Variants in WDR62 observed in about 807,000 individuals in gnomAD.
WDR62 encodes WD repeat domain 62.
Under a neutral mutation model 160.6 loss-of-function variants are expected in WDR62, and 112 were observed. The ratio of observed to expected loss-of-function variants is 0.70; its 90% CI spans 0.60 to 0.82. The LOEUF is 0.82. Ranked by LOEUF, WDR62 falls within the 40% of genes least tolerant of loss-of-function variation. The pLI is 0.00. For synonymous variants in WDR62, 792 were observed against 815.1 expected (o/e 0.97, Z 0.48); for missense variants, 1,819 against 1,983.8 (o/e 0.92, Z 1.58).
intron 7 of WDR62, 109 bp from the exon 8 acceptor site, chr19:36,071,447 G>C: frequency 7.8e-7 from 1 of 1,286,980 alleles, no homozygotes. Context: ...TTAGACCCAA[G>C]GAACTGTAAG....
Position 36,089,025 on chromosome 19 carries a change from C to T in WDR62, c.1769-13C>T. 1.2e-6 allele frequency: 2 copies of T among 1,613,790 alleles called. No homozygotes were observed. Among genetic ancestry groups the T allele is most frequent in the Non-Finnish European group, 1.7e-6 (2 of 1,180,022 alleles). ...CCCAGCCCTGCCTAACACACAGCGT[C>T]CTCCTCCCCTAGGCAACAGAGACAT... On this transcript the variant is annotated splice_polypyrimidine_tract_variant and intron_variant, in intron 13 of 31. Coordinates refer to ENST00000401500, the MANE Select transcript of WDR62 (RefSeq NM_001083961.2).
rs751129637 is a variant in WDR62 at position 36,067,929 on chromosome 19, C to T, written c.801C>T (p.Gly267=). ...GVACGRGRMA[G]STFCVSYSGL... is the part of the protein sequence containing the mutation. ...CCTGCGGTCGGGGCCGGATGGCGGG[C>T]AGTACCTTCTGTGTGTCCTACTCGG... Residue 267 remains glycine, a synonymous_variant, in exon 7 of 32, where the codon GGC becomes GGT. Transcript: ENST00000401500. The T allele has an allele frequency of 6.2e-7, 1 of 1,614,184 alleles. No homozygotes were observed. The highest frequency in any genetic ancestry group is 8.5e-7 in the Non-Finnish European group (1 of 1,180,044).
At chr19:36,086,841 C>T (rs375695880) in intron 13 of WDR62, 29 bp downstream of exon 13, 2 of 1,603,110 alleles carry the variant, frequency 1.2e-6, no homozygotes, top group Non-Finnish European at 1.7e-6. Context: ...GCTCCCTGCG[C>T]CTTGCTAGCT....
At chr19:36,090,016 A>G (rs1972492591) in intron 15 of WDR62, among the ~76,000 whole-genome samples, 1 of 152,224 alleles carries the variant, frequency 6.6e-6, no homozygotes. Context: ...AGACAGTGAC[A>G]GAGTGGTCAG....
chr19:36,092,031 C>T (rs1972645376), intron 18 of WDR62, among the ~76,000 whole-genome samples: 1 of 152,080 alleles, frequency 6.6e-6, no homozygotes, highest in Non-Finnish European at 1.5e-5. Context: ...TGTGATGAGG[C>T]CGGGCGCAGT....
intron 16 of WDR62, among the ~76,000 whole-genome samples, chr19:36,090,913 C>T (rs1972560787): frequency 6.6e-6 from 1 of 152,344 alleles, no homozygotes; most frequent in African/African-American, 2.4e-5. Context: ...GACTGTGTGA[C>T]CTTGGGCAAG....
intron 30 of WDR62, 74 bp from the exon 31 acceptor site, chr19:36,104,444 T>A (rs1261590233): frequency 1.3e-6 from 2 of 1,575,828 alleles, no homozygotes; most frequent in Non-Finnish European, 1.7e-6. Flanking sequence ...CAGCATGGAG[T>A]CCACCCAGTC....
chr19:36,108,382 C>G (rs913679622), downstream of WDR62, among the ~76,000 whole-genome samples: 4 of 151,952 alleles, frequency 2.6e-5, no homozygotes, highest in African/African-American at 9.7e-5. Flanking sequence ...ACCCCCACAT[C>G]TACCCTTGGC....
rs146485488 is a variant in WDR62 at position 36,066,343 on chromosome 19, G to A, written c.477G>A (p.Ala159=). The A allele has an allele frequency of 1.6e-4, 257 of 1,614,122 alleles. 1 individual carries two copies. In the African/African-American group the frequency reaches 2.2e-3, roughly 14 times the overall value. Residue 159 remains alanine (A), a synonymous_variant, in exon 5 of 32, where the codon GCG becomes GCA. Coordinates refer to ENST00000401500, the MANE Select transcript of WDR62 (RefSeq NM_001083961.2). ...AEMLGHKYGV[A]CVAFSPNMKH... ...TGCTAGGCCACAAGTATGGTGTGGCGTGTGTGGCCTTCTCACCCAATATGA... is the reference window on the plus strand; with the variant it reads ...TGCTAGGCCACAAGTATGGTGTGGCATGTGTGGCCTTCTCACCCAATATGA...
At chr19:36,071,443 C>A in intron 7 of WDR62, 113 bp from the exon 8 acceptor site, 1 of 1,250,112 alleles carries the variant, frequency 8.0e-7, no homozygotes, top group Non-Finnish European at 1.2e-6. Context: ...TGTCTTAGAC[C>A]CAAGGAACTG....
rs199599750 is a variant in WDR62 at position 36,067,493 on chromosome 19, C to T, written c.699+50C>T. 245 of 1,612,162 alleles carry T rather than the reference C, an allele frequency of 1.5e-4. 1 individual carries two copies. The highest frequency in any genetic ancestry group is 2.8e-5 in the Non-Finnish European group (33 of 1,179,136). On this transcript the variant is annotated intron_variant, in intron 6 of 31. Transcript: ENST00000401500. ...AGCCAGGCCCTGAGGGAGTCACCAT[C>T]GGTGGCAGCATGGTCTCCTGTTTCT...
chr19:36,063,423 A>AT (rs1312200999), intron 3 of WDR62, among the ~76,000 whole-genome samples: 16 of 135,522 alleles, frequency 1.2e-4, no homozygotes, highest in Admixed American at 6.8e-4. Flanking sequence ...TAATTTTTGT[A>AT]TTTTTTTTTA....
At chr19:36,081,362 C>A in intron 9 of WDR62, 71 bp from the exon 10 acceptor site, 1 of 1,520,776 alleles carries the variant, frequency 6.6e-7, no homozygotes, top group Non-Finnish European at 9.0e-7. Flanking sequence ...TTTTTTTTTC[C>A]ATGAAAATGC....
chr19:36,081,747 C>T (rs1971913906), intron 10 of WDR62, 177 bp downstream of exon 10: 2 of 804,908 alleles, frequency 2.5e-6, no homozygotes, highest in Non-Finnish European at 4.2e-6. Context: ...CTTTCTCCTG[C>T]CCCCTCTCTG....
intron 25 of WDR62, 66 bp downstream of exon 25, chr19:36,101,840 C>CT: frequency 6.7e-7 from 1 of 1,503,636 alleles, no homozygotes; most frequent in African/African-American, 1.4e-5. Context: ...GTCACAATGT[C>CT]TAAGCACAGG....
intron 12 of WDR62, among the ~76,000 whole-genome samples, chr19:36,085,931 C>T (rs1225708645): frequency 6.6e-6 from 1 of 152,108 alleles, no homozygotes; most frequent in Non-Finnish European, 1.5e-5. Flanking sequence ...GATCCACCCG[C>T]CTTGGCCTCC....
chr19:36,067,320 G>T lies in WDR62; in HGVS notation c.576G>T (p.Val192=). The part of the protein sequence containing the change: ...NVWDWKKDIV[V]ASNKVSCRVI... Reference sequence around the variant, plus strand: ...TATTCTTCCAGAAAGACATCGTAGTGGCCTCCAACAAGGTATCTTGTAGAG... The same window carrying T: ...TATTCTTCCAGAAAGACATCGTAGTTGCCTCCAACAAGGTATCTTGTAGAG... The change falls in exon 6 of 32, where the codon GTG becomes GTT. Residue 192 remains valine (V), a synonymous_variant. Coordinates refer to ENST00000401500, the MANE Select transcript of WDR62 (RefSeq NM_001083961.2). 6.2e-7 allele frequency: 1 copy of T among 1,614,142 alleles called. No homozygotes were observed. Among genetic ancestry groups the T allele is most frequent in the Non-Finnish European group, 8.5e-7 (1 of 1,180,040 alleles).
chr19:36,055,270 A>C lies in WDR62; in HGVS notation c.177+122A>C, dbSNP rs1044104279. 32 of 1,079,208 alleles carry C rather than the reference A, an allele frequency of 3.0e-5. No individual in the cohort carries two copies. The Admixed American group carries it at 5.4e-4, about 18-fold the overall frequency. The allele number at this position is 1,079,208 out of a possible 1,614,324, so 66.9% of individuals were successfully genotyped here. A position where few individuals can be genotyped will look rare whatever the true frequency, so the allele number is the denominator to read the frequency against. On this transcript the variant is annotated intron_variant, in intron 1 of 31. Transcript: ENST00000401500. Reference sequence around the variant, plus strand: ...CAGTCCCCTCAGGTTGTTCCCTGCCATGCCTCGTCCCCTAACCCCCGCCCC... The same window carrying C: ...CAGTCCCCTCAGGTTGTTCCCTGCCCTGCCTCGTCCCCTAACCCCCGCCCC...
intron 3 of WDR62, chr19:36,060,238 C>T (rs182468987): frequency 5.7e-5 from 35 of 611,156 alleles, no homozygotes; most frequent in African/African-American, 3.7e-4. Flanking sequence ...CTGGCTAGAG[C>T]GAGACAGACT....
Sources: gnomAD v4.1 joint callset for allele counts (sites outside exome capture counted in the v4.1 genomes callset) on GRCh38, gnomAD v4.1.1 for gene constraint, MANE v1.5 for transcripts, NCBI Gene and HGNC (gene_info 2026-07-23, HGNC 2026-07-21) for gene names.